The following ARHGEF10L variants were observed in gnomAD, a reference collection of about 807,000 sequenced individuals.
ARHGEF10L encodes the protein rho guanine nucleotide exchange factor 10-like protein.
ARHGEF10L carries 69 observed loss-of-function variants against 141.2 expected under a neutral mutation model. That is an observed-to-expected ratio of 0.49 (90% CI 0.40 to 0.60). The LOEUF is 0.60. Ranked by LOEUF, ARHGEF10L falls within the 20% of genes least tolerant of loss-of-function variation. The pLI is 0.00. For synonymous variants in ARHGEF10L, 711 were observed against 718.5 expected (o/e 0.99, Z 0.17); for missense variants, 1,482 against 1,734.3 (o/e 0.85, Z 2.58).
chr1:17,584,742 T>C (rs866668926), intron 2 of ARHGEF10L, among the ~76,000 whole-genome samples: 3 of 151,998 alleles, frequency 2.0e-5, no homozygotes, highest in African/African-American at 7.3e-5. Flanking sequence ...GGTGCAAAGG[T>C]CCTGAGGCAG....
At position 17,692,802 on chromosome 1, in the gene ARHGEF10L, T is replaced by TGG. The variant is rs1458744620; in HGVS notation, c.3185-2356_3185-2355insGG. On this transcript the variant is annotated intron_variant, in intron 27 of 28. Transcript: ENST00000361221. ...AGTCCTGGCCCTGACCCATCCCCTC[T>TGG]TCTGACCATCTGGAGTCTGCCTTCT... Among the ~76,000 whole-genome samples the TGG allele has an allele frequency of 2.6e-5, 4 of 152,224 alleles. No homozygotes were observed. The East Asian group carries it at 7.7e-4, about 29-fold the overall frequency.
At chr1:17,694,724 A>C (rs1211225930) in intron 27 of ARHGEF10L, 1 of 353,156 alleles carries the variant, frequency 2.8e-6, no homozygotes, top group South Asian at 2.1e-5. Flanking sequence ...TATGCCTTCC[A>C]TCTGCACCAA....
chr1:17,667,014 C>G (rs2063026208), intron 26 of ARHGEF10L, among the ~76,000 whole-genome samples: 1 of 152,210 alleles, frequency 6.6e-6, no homozygotes, highest in African/African-American at 2.4e-5. Flanking sequence ...GACCCCTTGG[C>G]CTGCCTCTCC....
At chr1:17,685,995 T>C (rs1000307095) in intron 26 of ARHGEF10L, among the ~76,000 whole-genome samples, 1 of 152,252 alleles carries the variant, frequency 6.6e-6, no homozygotes, top group Non-Finnish European at 1.5e-5. Flanking sequence ...GTCCTGCTCC[T>C]GGAGTAAGCC....
In ARHGEF10L at chr1:17,674,073, T is replaced by C. The variant is rs576486803; in HGVS notation, c.3009+9478T>C. Reference sequence around the variant, plus strand: ...CATCCTCCCTCCAGATGGCAAAATATCTGTGAGCAGGGCCAGTGTCTTATC... The same window carrying C: ...CATCCTCCCTCCAGATGGCAAAATACCTGTGAGCAGGGCCAGTGTCTTATC... On this transcript the variant is annotated intron_variant, in intron 26 of 28. Transcript: ENST00000361221. Among the ~76,000 whole-genome samples, 11 of 152,332 alleles carry C rather than the reference T, an allele frequency of 7.2e-5. 1 individual carries two copies. The South Asian group carries it at 1.9e-3, about 26-fold the overall frequency.
At chr1:17,669,798 G>A (rs1328929413) in intron 26 of ARHGEF10L, among the ~76,000 whole-genome samples, 1 of 152,246 alleles carries the variant, frequency 6.6e-6, no homozygotes, top group Non-Finnish European at 1.5e-5. Flanking sequence ...TGAGGTGCTG[G>A]AGGCACAGAA....
At chr1:17,528,201 G>A in the ARHGEF10L span, among the ~76,000 whole-genome samples, 2 of 151,804 alleles carry the variant, frequency 1.3e-5, no homozygotes, top group South Asian at 2.1e-4. Context: ...AATTCATTAA[G>A]ATAATTATTT....
At chr1:17,539,545 G>T (rs568324495), upstream of ARHGEF10L, among the ~76,000 whole-genome samples, 2 of 151,852 alleles carry the variant, frequency 1.3e-5, no homozygotes, top group African/African-American at 2.4e-5. The surrounding 1 kb of genome is among the most constrained non-coding windows in gnomAD (Gnocchi z 6.0). Flanking sequence ...TGCCGGGACC[G>T]CTGGGGGCTC....
At chr1:17,575,482 G>A (rs906892013) in intron 1 of ARHGEF10L, among the ~76,000 whole-genome samples, 4 of 152,250 alleles carry the variant, frequency 2.6e-5, no homozygotes, top group African/African-American at 7.2e-5. Flanking sequence ...GACAGCTTAA[G>A]CAAAGGCCTG....
At position 17,597,308 on chromosome 1, in the gene ARHGEF10L, A is replaced by G. The variant is rs139332785; in HGVS notation, c.258-4819A>G. On this transcript the variant is annotated intron_variant, in intron 4 of 28. Coordinates refer to ENST00000361221, the MANE Select transcript of ARHGEF10L (RefSeq NM_018125.4). ...CTCTTTTATGACCCGGAGGCCCCTGAAGGAGTGTTTGTTCACAGGGAGAAT... is the reference window on the plus strand; with the variant it reads ...CTCTTTTATGACCCGGAGGCCCCTGGAGGAGTGTTTGTTCACAGGGAGAAT... Among the ~76,000 whole-genome samples, 22 of 152,066 alleles carry G rather than the reference A, an allele frequency of 1.4e-4. 2 individuals carry two copies. The East Asian group carries it at 4.3e-3, about 29-fold the overall frequency.
At chr1:17,685,795 T>C (rs2102476934) in intron 26 of ARHGEF10L, among the ~76,000 whole-genome samples, 1 of 152,314 alleles carries the variant, frequency 6.6e-6, no homozygotes, top group Admixed American at 6.5e-5. Flanking sequence ...CATAGCAGCG[T>C]GTACTTACAA....
In ARHGEF10L at chr1:17,587,484, C is replaced by A; in HGVS notation, c.62C>A (p.Pro21Gln). The A allele has an allele frequency of 9.9e-6, 16 of 1,613,870 alleles. No homozygotes were observed. The highest frequency in any genetic ancestry group is 1.3e-5 in the Non-Finnish European group (15 of 1,179,892). The change falls in exon 3 of 29, where the codon CCA becomes CAA. Residue 21 changes from proline to glutamine, a missense_variant. Physicochemically the swap from Pro to Gln is moderately conservative, Grantham distance 76 (BLOSUM62 -1). This residue lies in a region of ARHGEF10L where 232 missense variants were observed against 225.9 expected (regional missense o/e 1.03). Transcript: ENST00000361221. ...GGAGATCAGCTGGTTCCAGGAGTCCCAGGCCCCTCCTCTGAGGCAGAGGAC... is the reference window on the plus strand; with the variant it reads ...GGAGATCAGCTGGTTCCAGGAGTCCAAGGCCCCTCCTCTGAGGCAGAGGAC... The part of the protein sequence containing the change: ...AIGDQLVPGV[P>Q]GPSSEAEDDP...
intron 1 of ARHGEF10L, among the ~76,000 whole-genome samples, chr1:17,564,130 A>G (rs2077652711): frequency 2.6e-5 from 4 of 152,222 alleles, no homozygotes; most frequent in Admixed American, 2.6e-4. Flanking sequence ...CAGCTGGCAC[A>G]TAGTGCTTGC....
chr1:17,629,736 G>A (rs2060576123), intron 15 of ARHGEF10L, among the ~76,000 whole-genome samples: 1 of 152,166 alleles, frequency 6.6e-6, no homozygotes. Context: ...AGTTTGGAAT[G>A]TCTCGGGAGA....
At chr1:17,559,341 C>T (rs2077460781) in intron 1 of ARHGEF10L, among the ~76,000 whole-genome samples, 1 of 152,160 alleles carries the variant, frequency 6.6e-6, no homozygotes, top group South Asian at 2.1e-4. Flanking sequence ...AGCCCTGTCA[C>T]AGGGGCGGGA....
intron 21 of ARHGEF10L, among the ~76,000 whole-genome samples, chr1:17,646,245 C>A (rs1377136349): frequency 6.6e-6 from 1 of 152,214 alleles, no homozygotes; most frequent in Admixed American, 6.5e-5. Flanking sequence ...CAGGTGCCAC[C>A]TCTCTCGGGC....
intron 26 of ARHGEF10L, among the ~76,000 whole-genome samples, chr1:17,671,474 C>G (rs1024506041): frequency 1.3e-5 from 2 of 152,192 alleles, no homozygotes; most frequent in African/African-American, 4.8e-5. Context: ...TGGACCTGCA[C>G]CCGCACCAGC....
chr1:17,625,911 C>T lies in ARHGEF10L; in HGVS notation c.1318-45C>T. Reference sequence around the variant, plus strand: ...TGTCTGGACTCTGGGGCACTGGGCCCTCTCTGCAGGGGGTCAGCGAATGAC... The same window carrying T: ...TGTCTGGACTCTGGGGCACTGGGCCTTCTCTGCAGGGGGTCAGCGAATGAC... On this transcript the variant is annotated intron_variant, in intron 13 of 28. Transcript: ENST00000361221. This position sits in a 1 kb window ranked among gnomAD's most constrained non-coding sequence, Gnocchi z 4.5. 1.3e-6 allele frequency: 2 copies of T among 1,572,750 alleles called. No individual in the cohort carries two copies. Among genetic ancestry groups the T allele is most frequent in the Non-Finnish European group, 1.7e-6 (2 of 1,144,170 alleles).
intron 1 of ARHGEF10L, among the ~76,000 whole-genome samples, chr1:17,564,635 T>G (rs1281847575): frequency 1.3e-5 from 2 of 152,206 alleles, no homozygotes; most frequent in Non-Finnish European, 1.5e-5. Context: ...CTCTCATTTA[T>G]TGACTATGTG....
Sources: allele counts gnomAD v4.1 joint callset (sites outside exome capture counted in the v4.1 genomes callset), GRCh38; gene constraint gnomAD v4.1.1; regional missense constraint gnomAD v4.1.1; non-coding constraint Gnocchi (gnomAD v3.1); transcripts MANE v1.5; gene names NCBI Gene and HGNC (gene_info 2026-07-23, HGNC 2026-07-21).